FARS2: variants seen among roughly 807,000 people sequenced by gnomAD.
FARS2 encodes the protein phenylalanine--tRNA ligase, mitochondrial.
FARS2 carries 40 observed loss-of-function variants against 46.4 expected under a neutral mutation model. That is an observed-to-expected ratio of 0.86 (90% CI 0.67 to 1.12). The LOEUF (loss-of-function observed/expected upper bound fraction) is 1.12. Ranked by LOEUF, FARS2 falls within the 50% of genes most tolerant of loss-of-function variation. The pLI is 0.00. For missense variants in FARS2, 513 were observed against 567.9 expected (o/e 0.90, Z 0.98); for synonymous variants, 234 against 214.9 (o/e 1.09, Z -0.78).
chr6:5,644,051 A>G (rs1776954002), intron 6 of FARS2, among the ~76,000 whole-genome samples: 1 of 152,058 alleles, frequency 6.6e-6, no homozygotes, highest in African/African-American at 2.4e-5. Context: ...AGAAACAGAC[A>G]TGCTTGTTGT....
chr6:5,467,256 A>G (rs1430571168), intron 4 of FARS2: 7 of 215,844 alleles, frequency 3.2e-5, no homozygotes, highest in African/African-American at 1.2e-4. Context: ...TTCTTAACCA[A>G]TCCTTAAATG....
At chr6:5,750,790 A>G (rs2150964089) in intron 6 of FARS2, among the ~76,000 whole-genome samples, 1 of 152,268 alleles carries the variant, frequency 6.6e-6, no homozygotes, top group East Asian at 1.9e-4. Context: ...CTGCCTGGAA[A>G]GAAAGGCTAG....
chr6:5,519,957 G>T (rs550024755), intron 4 of FARS2, among the ~76,000 whole-genome samples: 8 of 152,208 alleles, frequency 5.3e-5, no homozygotes, highest in Admixed American at 2.0e-4. Flanking sequence ...AGTGACCTTT[G>T]ATGACTTCCT....
At chr6:5,310,557 CA>C (rs1769015506) in intron 1 of FARS2, among the ~76,000 whole-genome samples, 1 of 152,024 alleles carries the variant, frequency 6.6e-6, no homozygotes, top group African/African-American at 2.4e-5. Context: ...CAGTCTAATA[CA>C]TTTTTTTGTG....
At chr6:5,447,448 A>C (rs1334632062) in intron 4 of FARS2, among the ~76,000 whole-genome samples, 4 of 152,194 alleles carry the variant, frequency 2.6e-5, no homozygotes, top group African/African-American at 4.8e-5. Context: ...TGAATTCCAC[A>C]GCATGCTTTT....
In FARS2 at chr6:5,458,469, G is replaced by C. The variant is rs143046073; in HGVS notation, c.904+27297G>C. Among the ~76,000 whole-genome samples, 585 of 152,230 alleles carry C rather than the reference G, an allele frequency of 3.8e-3. 3 individuals carry two copies. The highest frequency in any genetic ancestry group is 0.02 in the Middle Eastern group (6 of 294). On this transcript the variant is annotated intron_variant, in intron 4 of 6. Transcript: ENST00000274680. ...TGTAGTCAAACATGAATTCACAAAT[G>C]GGAAGAGCAGGAGGTGACTCAGATC...
chr6:5,680,146 G>A (rs1778960655), intron 6 of FARS2, among the ~76,000 whole-genome samples: 1 of 152,084 alleles, frequency 6.6e-6, no homozygotes, highest in Non-Finnish European at 1.5e-5. Context: ...ATGCTGTTAG[G>A]GTCTTGATGA....
intron 1 of FARS2, among the ~76,000 whole-genome samples, chr6:5,276,583 T>C (rs1231143480): frequency 6.6e-6 from 1 of 152,224 alleles, no homozygotes; most frequent in East Asian, 1.9e-4. Context: ...TGGAGGCTCA[T>C]CAAAGAGCTT....
intron 6 of FARS2, among the ~76,000 whole-genome samples, chr6:5,691,628 CA>C (rs1161733818): frequency 6.6e-6 from 1 of 152,210 alleles, no homozygotes; most frequent in Non-Finnish European, 1.5e-5. Flanking sequence ...TTAGGCTACT[CA>C]GGGGTCAGGG....
At chr6:5,554,764 CAACCAT>C (rs1355255746) in intron 5 of FARS2, among the ~76,000 whole-genome samples, 1 of 152,172 alleles carries the variant, frequency 6.6e-6, no homozygotes, top group Non-Finnish European at 1.5e-5. Context: ...GCAAGTAGTT[CAACCAT>C]AACTGTGGTA....
In FARS2 at chr6:5,605,800, A is replaced by G. The variant is rs140026174; in HGVS notation, c.1066-7369A>G. On this transcript the variant is annotated intron_variant, in intron 5 of 6. Coordinates refer to ENST00000274680, the MANE Select transcript of FARS2 (RefSeq NM_006567.5). ...AGAGACCATTGGAGAAATAATAACC[A>G]TTAAACAAAAAAGGAAAATTCTGAA... is the stretch of plus-strand genomic sequence containing the variant. Among the ~76,000 whole-genome samples, 1,124 of 152,342 alleles carry G rather than the reference A, an allele frequency of 7.4e-3. 5 individuals carry two copies. Among genetic ancestry groups the G allele is most frequent in the Admixed American group, 0.011 (162 of 15,304 alleles).
At chr6:5,718,525 C>T (rs898677166) in intron 6 of FARS2, among the ~76,000 whole-genome samples, 4 of 152,152 alleles carry the variant, frequency 2.6e-5, no homozygotes, top group Admixed American at 6.5e-5. Context: ...AACAGTAAAC[C>T]GGGTGAAACA....
chr6:5,634,841 C>T (rs910142004), intron 6 of FARS2, among the ~76,000 whole-genome samples: 7 of 152,282 alleles, frequency 4.6e-5, no homozygotes, highest in Middle Eastern at 3.4e-3. Flanking sequence ...AATCATTCCA[C>T]GGGCAGATTG....
chr6:5,714,636 C>A (rs1384388595), intron 6 of FARS2, among the ~76,000 whole-genome samples: 1 of 152,090 alleles, frequency 6.6e-6, no homozygotes, highest in African/African-American at 2.4e-5. Context: ...TGAGCCCCTA[C>A]TAGGTTTCCT....
chr6:5,541,713 C>T (rs1268389304), intron 4 of FARS2, among the ~76,000 whole-genome samples: 1 of 151,944 alleles, frequency 6.6e-6, no homozygotes, highest in Non-Finnish European at 1.5e-5. Context: ...AAAAGAATTC[C>T]GGGCAAGTCC....
At chr6:5,463,207 ATTC>A (rs1056568141) in intron 4 of FARS2, among the ~76,000 whole-genome samples, 6 of 152,184 alleles carry the variant, frequency 3.9e-5, no homozygotes, top group Admixed American at 2.0e-4. Flanking sequence ...TAAGTATTTT[ATTC>A]TTCTTAACGA....
chr6:5,504,669 G>A lies in FARS2; in HGVS notation c.905-40511G>A, dbSNP rs150144328. Reference sequence around the variant, plus strand: ...CACAAATACTTTTAGAGAAATACCAGGACAGAATTCAAAACATACAGTTAC... The same window carrying A: ...CACAAATACTTTTAGAGAAATACCAAGACAGAATTCAAAACATACAGTTAC... On this transcript the variant is annotated intron_variant, in intron 4 of 6. Coordinates refer to ENST00000274680, the MANE Select transcript of FARS2 (RefSeq NM_006567.5). 9.5e-4 allele frequency among the ~76,000 whole-genome samples: 144 copies of A among 152,106 alleles called. 3 individuals are homozygous for A. The highest frequency in any genetic ancestry group is 3.4e-3 in the Middle Eastern group (1 of 294).
In FARS2 at chr6:5,677,317, A is replaced by G. The variant is rs1023288464; in HGVS notation, c.1217+63997A>G. Among the ~76,000 whole-genome samples the G allele has an allele frequency of 3.9e-5, 6 of 152,144 alleles. No individual in the cohort carries two copies. The South Asian group carries it at 6.2e-4, about 16-fold the overall frequency. ...TAAGGTTTGTGTTCTGCTTTCTTCT[A>G]TCTCCTCCTAGCTCCCATTCAAGTT... On this transcript the variant is annotated intron_variant, in intron 6 of 6. Coordinates refer to ENST00000274680, the MANE Select transcript of FARS2 (RefSeq NM_006567.5).
At chr6:5,735,516 C>T (rs1561829389) in intron 6 of FARS2, among the ~76,000 whole-genome samples, 1 of 152,116 alleles carries the variant, frequency 6.6e-6, no homozygotes, top group Non-Finnish European at 1.5e-5. Context: ...TCGGGGCCTC[C>T]GTTTCTCTCG....
Sources: gnomAD v4.1 joint callset for allele counts (sites outside exome capture counted in the v4.1 genomes callset) on GRCh38, gnomAD v4.1.1 for gene constraint, MANE v1.5 for transcripts, NCBI Gene and HGNC (gene_info 2026-07-23, HGNC 2026-07-21) for gene names.